The following SORT1 variants were observed in gnomAD, a reference collection of about 807,000 sequenced individuals.
The protein encoded by SORT1 is sortilin 1.
In SORT1, 39 loss-of-function variants were observed where a neutral mutation model predicts 101.7. That is an observed-to-expected ratio of 0.38 (90% CI 0.30 to 0.50). SORT1 has a LOEUF of 0.50. Among genes scored for constraint, SORT1 ranks in the 20% least tolerant of loss-of-function variants. SORT1 has a pLI of 0.90. For synonymous variants in SORT1, 396 were observed against 393.7 expected (o/e 1.01, Z -0.07); for missense variants, 878 against 1,040.4 (o/e 0.84, Z 2.15).
Position 109,313,884 on chromosome 1 carries a change from G to A in SORT1, c.*159C>T. 2.6e-6 allele frequency: 1 copy of A among 384,824 alleles called. No homozygotes were observed. Among genetic ancestry groups the A allele is most frequent in the Non-Finnish European group, 4.6e-6 (1 of 216,038 alleles). The allele number at this position is 384,824 out of a possible 1,614,324, so 23.8% of individuals were successfully genotyped here. A position where few individuals can be genotyped will look rare whatever the true frequency, so the allele number is the denominator to read the frequency against. ...GCTCAGGGTTCCCCACCCCCACCCT[G>A]CATTTCTTTAGTGTAGGTCCTTTTG... On this transcript the variant is annotated 3_prime_UTR_variant, in exon 20 of 20. Transcript: ENST00000256637.
At chr1:109,349,854 C>T (rs1477229773) in intron 6 of SORT1, among the ~76,000 whole-genome samples, 2 of 152,158 alleles carry the variant, frequency 1.3e-5, no homozygotes, top group Non-Finnish European at 2.9e-5. Flanking sequence ...AGACATATTT[C>T]AAATCTGTAT....
Position 109,397,570 on chromosome 1 carries a change from G to A in SORT1, c.306+17C>T. On this transcript the variant is annotated intron_variant, in intron 1 of 19. Transcript: ENST00000256637. ...CACCTCGCACCCGAGCGGCTCCCGG[G>A]CCCGGCGCCCGCTCACCTGGTGCGT... is the stretch of plus-strand genomic sequence containing the variant. The A allele has an allele frequency of 8.5e-7, 1 of 1,179,700 alleles. No homozygotes were observed. Among genetic ancestry groups the A allele is most frequent in the Non-Finnish European group, 1.1e-6 (1 of 951,196 alleles). 73.1% of individuals were successfully genotyped at this position (1,179,700 alleles called of 1,614,324 possible).
At chr1:109,354,078 G>A (rs187099026) in intron 5 of SORT1, among the ~76,000 whole-genome samples, 70 of 152,016 alleles carry the variant, frequency 4.6e-4, no homozygotes, top group African/African-American at 1.7e-3. Context: ...TGTAGCACAA[G>A]AATGATTAAA....
chr1:109,384,165 C>G (rs1652420383), intron 1 of SORT1, among the ~76,000 whole-genome samples: 1 of 152,190 alleles, frequency 6.6e-6, no homozygotes, highest in Admixed American at 6.5e-5. Context: ...AGAGGGGCAA[C>G]AGCAACCTCC....
At chr1:109,386,212 A>G (rs1236303691) in intron 1 of SORT1, among the ~76,000 whole-genome samples, 1 of 152,224 alleles carries the variant, frequency 6.6e-6, no homozygotes, top group Non-Finnish European at 1.5e-5. Flanking sequence ...TACACATTTC[A>G]TGACTACTCT....
chr1:109,383,369 A>G (rs184411758), intron 1 of SORT1, among the ~76,000 whole-genome samples: 7 of 152,368 alleles, frequency 4.6e-5, no homozygotes, highest in Non-Finnish European at 1.5e-5. Context: ...GCTCTGAGCT[A>G]CTGAAGATTA....
At chr1:109,391,580 G>C (rs191486756) in intron 1 of SORT1, among the ~76,000 whole-genome samples, 90 of 152,316 alleles carry the variant, frequency 5.9e-4, no homozygotes, top group African/African-American at 2.1e-3. Context: ...TGTTTTTACT[G>C]TGGTTTCCTG....
At chr1:109,364,170 T>A (rs1650926499) in intron 3 of SORT1, among the ~76,000 whole-genome samples, 1 of 152,154 alleles carries the variant, frequency 6.6e-6, no homozygotes, top group Non-Finnish European at 1.5e-5. Flanking sequence ...AATTGCACTC[T>A]AGTAAAGTAT....
In SORT1 at chr1:109,393,119, C is replaced by T. The variant is rs1653008487; in HGVS notation, c.306+4468G>A. The T allele has an allele frequency of 3.0e-6, 3 of 985,264 alleles. No individual in the cohort carries two copies. The African/African-American group carries it at 5.2e-5, about 17-fold the overall frequency. 61.0% of individuals were successfully genotyped at this position (985,264 alleles called of 1,614,324 possible). ...CTCCCTGAAGCCTCTGACAGGCACACTCAGTCCTGTCAGCTTGGACTCAAC... is the reference window on the plus strand; with the variant it reads ...CTCCCTGAAGCCTCTGACAGGCACATTCAGTCCTGTCAGCTTGGACTCAAC... On this transcript the variant is annotated intron_variant, in intron 1 of 19. Transcript: ENST00000256637.
At chr1:109,344,485 G>A (rs771828058) in intron 8 of SORT1, among the ~76,000 whole-genome samples, 20 of 152,024 alleles carry the variant, frequency 1.3e-4, no homozygotes, top group Non-Finnish European at 2.1e-4. Flanking sequence ...TGGATTGATC[G>A]GGCATGCTCC....
rs562691959 is a variant in SORT1 at position 109,360,197 on chromosome 1, T to C, written c.441-4728A>G. Among the ~76,000 whole-genome samples, 4 of 152,264 alleles carry C rather than the reference T, an allele frequency of 2.6e-5. No homozygotes were observed. The South Asian group carries it at 8.3e-4, about 32-fold the overall frequency. ...AAAGTATACAAAATTTAGTTGAGCA[T>C]GGTGGTTTCCAGCCTGTAGTCCCAG... On this transcript the variant is annotated intron_variant, in intron 3 of 19. Coordinates refer to ENST00000256637, the MANE Select transcript of SORT1 (RefSeq NM_002959.7).
intron 3 of SORT1, chr1:109,366,818 T>G (rs1192666007): frequency 2.6e-5 from 4 of 151,438 alleles, no homozygotes; most frequent in Admixed American, 6.6e-5. Flanking sequence ...GGTGGGAAGA[T>G]GGTGGATGGC....
At chr1:109,320,460 G>C (rs1443528691) in intron 15 of SORT1, among the ~76,000 whole-genome samples, 1 of 152,040 alleles carries the variant, frequency 6.6e-6, no homozygotes, top group African/African-American at 2.4e-5. Context: ...CATGACTACT[G>C]TGACTTCCCC....
intron 18 of SORT1, 111 bp downstream of exon 18, chr1:109,314,560 AG>A: frequency 9.1e-7 from 1 of 1,096,194 alleles, no homozygotes; most frequent in Admixed American, 2.4e-5. Context: ...CTGATTTTTC[AG>A]GAACAGTACT....
chr1:109,347,421 C>T lies in SORT1; in HGVS notation c.832+62G>A, dbSNP rs1157355997. ...CTTTTATGTTTCTACCTTGCACAACCCAGAAAATTCTACCATGAATGGACA... is the reference window on the plus strand; with the variant it reads ...CTTTTATGTTTCTACCTTGCACAACTCAGAAAATTCTACCATGAATGGACA... On this transcript the variant is annotated intron_variant, in intron 7 of 19. Transcript: ENST00000256637. The T allele has an allele frequency of 2.3e-5, 27 of 1,185,384 alleles. No individual in the cohort carries two copies. The East Asian group carries it at 4.9e-4, about 22-fold the overall frequency. The allele number at this position is 1,185,384 out of a possible 1,614,324, so 73.4% of individuals were successfully genotyped here. A position where few individuals can be genotyped will look rare whatever the true frequency, so the allele number is the denominator to read the frequency against.
rs145458267 is a variant in SORT1, at chr1:109,315,183, CTG to C, written c.2251-407_2251-406del. Among the ~76,000 whole-genome samples the C allele has an allele frequency of 1.7e-4, 26 of 152,262 alleles. 1 individual carries two copies. The East Asian group carries it at 4.8e-3, about 28-fold the overall frequency. ...AACAGGGCCATTATCTGGGAAGAAG[CTG>C]TGTCAGAAGAACCAGGCAGGCCATT... On this transcript the variant is annotated intron_variant, in intron 17 of 19. Coordinates refer to ENST00000256637, the MANE Select transcript of SORT1 (RefSeq NM_002959.7).
chr1:109,336,436 C>G, intron 10 of SORT1, 90 bp from the exon 11 acceptor site: 1 of 820,810 alleles, frequency 1.2e-6, no homozygotes, highest in Non-Finnish European at 2.1e-6. Context: ...CTCCTGAGAC[C>G]GTATAGCACC....
intron 10 of SORT1, 34 bp downstream of exon 10, chr1:109,340,690 A>G: frequency 6.2e-7 from 1 of 1,611,334 alleles, no homozygotes. Flanking sequence ...ATGCAGCTGA[A>G]GGCACAGTAC....
At chr1:109,363,856 T>C (rs1236993394) in intron 3 of SORT1, among the ~76,000 whole-genome samples, 1 of 152,234 alleles carries the variant, frequency 6.6e-6, no homozygotes, top group East Asian at 1.9e-4. Context: ...ATCAAACTGC[T>C]TCTTTCCCTT....
Sources: allele counts gnomAD v4.1 joint callset (sites outside exome capture counted in the v4.1 genomes callset), GRCh38; gene constraint gnomAD v4.1.1; transcripts MANE v1.5; gene names NCBI Gene and HGNC (gene_info 2026-07-23, HGNC 2026-07-21).